The following MAPKAPK5 variants were observed in gnomAD, a reference collection of about 807,000 sequenced individuals.
The protein encoded by MAPKAPK5 is MAPK activated protein kinase 5, also known as MAP kinase-activated protein kinase 5.
Under a neutral mutation model 65.1 loss-of-function variants are expected in MAPKAPK5, and 30 were observed. The ratio of observed to expected loss-of-function variants is 0.46; its 90% confidence interval spans 0.34 to 0.63. MAPKAPK5 has a LOEUF of 0.63. Among genes scored for constraint, MAPKAPK5 ranks in the 20% least tolerant of loss-of-function variants. MAPKAPK5 has a pLI of 0.01. For synonymous variants in MAPKAPK5, 179 were observed against 204.6 expected (o/e 0.87, Z 1.07); for missense variants, 433 against 581.4 (o/e 0.74, Z 2.63).
At chr12:111,873,767 T>C (rs1178392794) in intron 7 of MAPKAPK5, among the ~76,000 whole-genome samples, 1 of 152,224 alleles carries the variant, frequency 6.6e-6, no homozygotes, top group Admixed American at 6.5e-5. Context: ...TAGCTTTATA[T>C]TATATCTTGA....
chr12:111,860,290 C>G (rs2069394535), intron 1 of MAPKAPK5, among the ~76,000 whole-genome samples: 2 of 152,142 alleles, frequency 1.3e-5, no homozygotes, highest in Admixed American at 6.5e-5. Flanking sequence ...TGGAGAAACT[C>G]TAAAAAATTG....
At chr12:111,867,708 A>G in intron 4 of MAPKAPK5, 39 bp downstream of exon 4, 1 of 1,473,422 alleles carries the variant, frequency 6.8e-7, no homozygotes, top group Non-Finnish European at 9.5e-7. Flanking sequence ...GCCCACATGT[A>G]GGCCAATGTG....
chr12:111,869,158 G>C (rs1438150136), intron 5 of MAPKAPK5, among the ~76,000 whole-genome samples: 1 of 152,012 alleles, frequency 6.6e-6, no homozygotes, highest in African/African-American at 2.4e-5. Flanking sequence ...TTATCTTTAG[G>C]CATGTAGCTA....
chr12:111,886,147 C>A, intron 10 of MAPKAPK5, 111 bp downstream of exon 10: 1 of 1,424,536 alleles, frequency 7.0e-7, no homozygotes, highest in East Asian at 2.3e-5. Context: ...CACGATCCTT[C>A]CCAGAGAAAC....
intron 8 of MAPKAPK5, among the ~76,000 whole-genome samples, chr12:111,881,113 G>A (rs142758526): frequency 5.1e-4 from 77 of 151,946 alleles, no homozygotes; most frequent in South Asian, 4.2e-3. Context: ...TCGCTCTGTC[G>A]CCCAGGCTGG....
rs115141022 is a variant in MAPKAPK5 at position 111,885,761 on chromosome 12, T to C, written c.849-155T>C. The C allele has an allele frequency of 2.1e-3, 1,751 of 828,768 alleles. 18 individuals are homozygous for C. The African/African-American group carries it at 0.027, about 13-fold the overall frequency. 51.3% of individuals were successfully genotyped at this position (828,768 alleles called of 1,614,324 possible). On this transcript the variant is annotated intron_variant, in intron 9 of 13. Transcript: ENST00000550735. ...CAAGCCATAGTACCCCTACAAGTGG[T>C]TGGAGACTAGAATCCCATCTGTGCT...
Position 111,842,628 on chromosome 12 carries a change from A to T in MAPKAPK5, c.-106A>T. 1 of 779,264 alleles carries T rather than the reference A, an allele frequency of 1.3e-6. No homozygotes were observed. Among genetic ancestry groups the T allele is most frequent in the Non-Finnish European group, 1.8e-6 (1 of 558,836 alleles). 48.3% of individuals were successfully genotyped at this position (779,264 alleles called of 1,614,324 possible). On this transcript the variant is annotated 5_prime_UTR_variant, in exon 1 of 14. Coordinates refer to ENST00000550735, the MANE Select transcript of MAPKAPK5 (RefSeq NM_003668.4). ...CGAGGGGCGGCTGCTGCCCGTCGCC[A>T]CGAGGCCCAGGGGCCCGAGTGCCGA...
At chr12:111,870,249 G>A in intron 5 of MAPKAPK5, 22 bp from the exon 6 acceptor site, 2 of 1,566,620 alleles carry the variant, frequency 1.3e-6, no homozygotes, top group Non-Finnish European at 1.8e-6. Context: ...AGAAGCGACT[G>A]TTTCATTGTG....
At chr12:111,885,846 G>T (rs1375394432) in intron 9 of MAPKAPK5, 70 bp from the exon 10 acceptor site, 1 of 1,603,426 alleles carries the variant, frequency 6.2e-7, no homozygotes, top group Non-Finnish European at 8.5e-7. Flanking sequence ...TTTAGAGCCA[G>T]GTCCAGGAAC....
At chr12:111,850,279 G>A (rs1258686115) in intron 1 of MAPKAPK5, among the ~76,000 whole-genome samples, 4 of 152,178 alleles carry the variant, frequency 2.6e-5, no homozygotes, top group South Asian at 4.2e-4. Flanking sequence ...TGCCTGCATC[G>A]GCCTCCCAAA....
At position 111,897,411 on chromosome 12, in the gene MAPKAPK5, TAA is replaced by T. The variant is rs1489401399; in HGVS notation, c.*4351_*4352del. 6.6e-6 allele frequency: 1 copy of T among 152,162 alleles called. No homozygotes were observed. The highest frequency in any genetic ancestry group is 1.5e-5 in the Non-Finnish European group (1 of 68,014). The allele number at this position is 152,162 out of a possible 1,614,324, so 9.4% of individuals were successfully genotyped here. A position where few individuals can be genotyped will look rare whatever the true frequency, so the allele number is the denominator to read the frequency against. ...ATGTGCATGTATTTATTGAAGAAAA[TAA>T]GTTTCAATTTGAGAATTAGAAAATT... On this transcript the variant is annotated 3_prime_UTR_variant, in exon 14 of 14. Transcript: ENST00000550735.
Position 111,900,301 on chromosome 12 carries a change from C to T in MAPKAPK5, c.*7240C>T, listed in dbSNP as rs748591558. The T allele has an allele frequency of 1.3e-5, 6 of 455,900 alleles. No homozygotes were observed. The highest frequency in any genetic ancestry group is 2.0e-5 in the African/African-American group (1 of 50,052). The allele number at this position is 455,900 out of a possible 1,614,324, so 28.2% of individuals were successfully genotyped here. A position where few individuals can be genotyped will look rare whatever the true frequency, so the allele number is the denominator to read the frequency against. ...AGTGGTGCCTGCTCAAGCGGTTTTG[C>T]GGCAGCTGTTGAATCCTTCCATCAT... On this transcript the variant is annotated 3_prime_UTR_variant, in exon 14 of 14. Transcript: ENST00000550735.
chr12:111,862,160 T>G (rs1377754653), intron 1 of MAPKAPK5, among the ~76,000 whole-genome samples: 11 of 152,168 alleles, frequency 7.2e-5, no homozygotes, highest in African/African-American at 2.7e-4. Context: ...TGTGTTAACT[T>G]TTTTGGCCCA....
At chr12:111,847,600 T>TA (rs532376331) in intron 1 of MAPKAPK5, among the ~76,000 whole-genome samples, 1 of 151,950 alleles carries the variant, frequency 6.6e-6, no homozygotes, top group African/African-American at 2.4e-5. Flanking sequence ...TTTTTAAAAT[T>TA]AAAAAAAATT....
chr12:111,847,811 G>A lies in MAPKAPK5; in HGVS notation c.36+5042G>A, dbSNP rs546522184. On this transcript the variant is annotated intron_variant, in intron 1 of 13. Transcript: ENST00000550735. ...CTGTTCCCATTCCTCGCCCCTTACGGCCACTGATTTGCTTTGTCACTATAG... is the reference window on the plus strand; with the variant it reads ...CTGTTCCCATTCCTCGCCCCTTACGACCACTGATTTGCTTTGTCACTATAG... Among the ~76,000 whole-genome samples the A allele has an allele frequency of 2.0e-5, 3 of 152,180 alleles. No individual in the cohort carries two copies. The South Asian group carries it at 6.2e-4, about 32-fold the overall frequency.
chr12:111,853,036 A>C (rs962255287), intron 1 of MAPKAPK5, among the ~76,000 whole-genome samples: 8 of 152,054 alleles, frequency 5.3e-5, no homozygotes, highest in African/African-American at 1.9e-4. Flanking sequence ...GGCCTCCCAA[A>C]GTGTTGGGAT....
At chr12:111,880,883 A>G (rs1235800638) in intron 8 of MAPKAPK5, among the ~76,000 whole-genome samples, 1 of 152,136 alleles carries the variant, frequency 6.6e-6, no homozygotes, top group Admixed American at 6.5e-5. Context: ...CTGAAAACAT[A>G]TGGTTGGCTT....
At chr12:111,872,644 A>T (rs1196467728) in intron 7 of MAPKAPK5, among the ~76,000 whole-genome samples, 1 of 152,182 alleles carries the variant, frequency 6.6e-6, no homozygotes, top group South Asian at 2.1e-4. Context: ...TGCTATAATC[A>T]AGGTGTCAGC....
intron 1 of MAPKAPK5, among the ~76,000 whole-genome samples, chr12:111,844,080 C>G (rs1456950707): frequency 6.6e-6 from 1 of 152,152 alleles, no homozygotes; most frequent in Non-Finnish European, 1.5e-5. Context: ...CCTTGGCCTC[C>G]CAAAATGGTG....
Sources: gnomAD v4.1 joint callset for allele counts (sites outside exome capture counted in the v4.1 genomes callset) on GRCh38, gnomAD v4.1.1 for gene constraint, MANE v1.5 for transcripts, NCBI Gene and HGNC (gene_info 2026-07-23, HGNC 2026-07-21) for gene names.